The following CSMD1 variants were observed in gnomAD, a reference collection of about 807,000 sequenced individuals.
CSMD1 encodes CUB and sushi domain-containing protein 1.
Under a neutral mutation model 417.5 loss-of-function variants are expected in CSMD1, and 213 were observed. The ratio of observed to expected loss-of-function variants is 0.51; its 90% confidence interval spans 0.46 to 0.57. The LOEUF (loss-of-function observed/expected upper bound fraction) is 0.57, where lower values mean the gene tolerates loss of function less well. Among genes scored for constraint, CSMD1 ranks in the 20% least tolerant of loss-of-function variants. CSMD1 has a pLI of 0.00. For missense variants in CSMD1, 6,923 were observed against 4,529.7 expected (o/e 1.53, Z -15.17); for synonymous variants, 2,862 against 1,736.8 (o/e 1.65, Z -16.11).
At chr8:3,908,935 G>A (rs778545676) in intron 5 of CSMD1, among the ~76,000 whole-genome samples, 1 of 152,158 alleles carries the variant, frequency 6.6e-6, no homozygotes, top group Non-Finnish European at 1.5e-5. Flanking sequence ...GCAAGCGCTG[G>A]CAAACAGGGC....
chr8:3,528,530 C>T (rs971050192), intron 10 of CSMD1, among the ~76,000 whole-genome samples: 1 of 152,170 alleles, frequency 6.6e-6, no homozygotes, highest in Non-Finnish European at 1.5e-5. Flanking sequence ...CTGATAATCA[C>T]ATCTCATTTC....
intron 27 of CSMD1, among the ~76,000 whole-genome samples, chr8:3,225,821 T>G (rs1048257289): frequency 2.0e-5 from 3 of 152,222 alleles, no homozygotes; most frequent in African/African-American, 7.2e-5. Flanking sequence ...ATTCTTCAAG[T>G]TAGTTTGCTT....
intron 3 of CSMD1, among the ~76,000 whole-genome samples, chr8:4,111,609 G>A (rs1474398845): frequency 3.3e-5 from 5 of 152,130 alleles, no homozygotes; most frequent in African/African-American, 4.8e-5. Flanking sequence ...ATGAAATTAT[G>A]TCCTTTGTAG....
chr8:3,835,536 G>A (rs923887460), intron 5 of CSMD1, among the ~76,000 whole-genome samples: 1 of 152,100 alleles, frequency 6.6e-6, no homozygotes, highest in African/African-American at 2.4e-5. Flanking sequence ...CATGGACACA[G>A]GAAAGGGAAC....
chr8:3,913,711 C>T (rs933982462), intron 5 of CSMD1, among the ~76,000 whole-genome samples: 5 of 152,080 alleles, frequency 3.3e-5, no homozygotes, highest in Non-Finnish European at 5.9e-5. Context: ...TAGATGGAAG[C>T]ATGCAGGGAA....
In CSMD1 at chr8:3,545,823, A is replaced by G. The variant is rs547923179; in HGVS notation, c.1344+29122T>C. Among the ~76,000 whole-genome samples, 243 of 152,370 alleles carry G rather than the reference A, an allele frequency of 1.6e-3. 1 individual carries two copies. The highest frequency in any genetic ancestry group is 5.7e-3 in the African/African-American group (235 of 41,590). Reference sequence around the variant, plus strand: ...TGTGAAAAGGCTCAGGAAGCAAGTTATTTAGTAGCAGAGTCTATTGGCCAC... The same window carrying G: ...TGTGAAAAGGCTCAGGAAGCAAGTTGTTTAGTAGCAGAGTCTATTGGCCAC... On this transcript the variant is annotated intron_variant, in intron 10 of 69. Coordinates refer to ENST00000635120, the MANE Select transcript of CSMD1 (RefSeq NM_033225.6).
intron 1 of CSMD1, among the ~76,000 whole-genome samples, chr8:4,884,204 C>CGTGT (rs776117074): frequency 1.7e-4 from 25 of 149,648 alleles, no homozygotes; most frequent in Non-Finnish European, 3.1e-4. Context: ...GTAAGAACTT[C>CGTGT]GTGTGTGTGT....
At chr8:3,344,069 G>T (rs1178836112) in intron 22 of CSMD1, among the ~76,000 whole-genome samples, 1 of 152,138 alleles carries the variant, frequency 6.6e-6, no homozygotes, top group African/African-American at 2.4e-5. Flanking sequence ...ATCTTCCCAA[G>T]CAGTTGTAAA....
intron 3 of CSMD1, among the ~76,000 whole-genome samples, chr8:4,339,997 C>G (rs1322911349): frequency 6.6e-6 from 1 of 152,068 alleles, no homozygotes; most frequent in African/African-American, 2.4e-5. Context: ...GCAGTCCAGC[C>G]TGGACAACAG....
At chr8:3,882,900 G>A (rs761306734) in intron 5 of CSMD1, among the ~76,000 whole-genome samples, 4 of 152,276 alleles carry the variant, frequency 2.6e-5, no homozygotes, top group African/African-American at 4.8e-5. Context: ...GAGCATGCTA[G>A]CATCTTGTGG....
chr8:3,734,378 C>A (rs1376571556), intron 6 of CSMD1, among the ~76,000 whole-genome samples: 7 of 152,178 alleles, frequency 4.6e-5, no homozygotes, highest in African/African-American at 1.7e-4. Flanking sequence ...AATGGATTTG[C>A]TTCTGCCTGG....
chr8:4,539,194 A>T (rs1028024827), intron 2 of CSMD1, among the ~76,000 whole-genome samples: 1 of 152,200 alleles, frequency 6.6e-6, no homozygotes, highest in African/African-American at 2.4e-5. Flanking sequence ...TTGCAGTATT[A>T]CTGTATTTGA....
At chr8:4,319,684 C>T (rs575765412) in intron 3 of CSMD1, among the ~76,000 whole-genome samples, 1 of 152,130 alleles carries the variant, frequency 6.6e-6, no homozygotes, top group African/African-American at 2.4e-5. Context: ...AGAAGGGAAG[C>T]AATCCAAGCA....
intron 3 of CSMD1, among the ~76,000 whole-genome samples, chr8:4,390,082 A>G (rs572696333): frequency 6.6e-6 from 1 of 152,318 alleles, no homozygotes; most frequent in African/African-American, 2.4e-5. Flanking sequence ...TACCACTTCT[A>G]TGCATTCTCC....
intron 3 of CSMD1, among the ~76,000 whole-genome samples, chr8:4,253,871 C>T (rs545637381): frequency 1.4e-5 from 2 of 144,672 alleles, no homozygotes; most frequent in Admixed American, 6.9e-5. Context: ...CTGGTCTTAT[C>T]TACAAAGAGA....
intron 3 of CSMD1, among the ~76,000 whole-genome samples, chr8:4,346,558 G>A (rs975244330): frequency 1.3e-5 from 2 of 152,102 alleles, no homozygotes. Context: ...CTTTGGGCTT[G>A]AGCGTGCTTT....
At chr8:3,447,997 G>C (rs1474203843) in intron 12 of CSMD1, among the ~76,000 whole-genome samples, 1 of 152,044 alleles carries the variant, frequency 6.6e-6, no homozygotes, top group African/African-American at 2.4e-5. Flanking sequence ...GGAAATGAGA[G>C]TCCTGATACC....
At chr8:3,264,147 A>T (rs1361729489) in intron 26 of CSMD1, among the ~76,000 whole-genome samples, 1 of 152,200 alleles carries the variant, frequency 6.6e-6, no homozygotes, top group African/African-American at 2.4e-5. Flanking sequence ...GCTTTCTAGC[A>T]GGTATGAACA....
intron 1 of CSMD1, among the ~76,000 whole-genome samples, chr8:4,654,619 A>G (rs1448812934): frequency 6.6e-6 from 1 of 152,162 alleles, no homozygotes; most frequent in Non-Finnish European, 1.5e-5. Flanking sequence ...GGCTATAGAT[A>G]TCAACTAAAA....
Sources: gnomAD v4.1 joint callset for allele counts (sites outside exome capture counted in the v4.1 genomes callset) on GRCh38, gnomAD v4.1.1 for gene constraint, MANE v1.5 for transcripts, NCBI Gene and HGNC (gene_info 2026-07-23, HGNC 2026-07-21) for gene names.